FREM2: variants seen among roughly 807,000 people sequenced by gnomAD.
The protein encoded by FREM2 is FRAS1-related extracellular matrix protein 2.
In FREM2, 119 loss-of-function variants were observed where a neutral mutation model predicts 219.9. The ratio of observed to expected loss-of-function variants is 0.54; its 90% CI spans 0.47 to 0.63. The LOEUF is 0.63. Among genes scored for constraint, FREM2 ranks in the 30% least tolerant of loss-of-function variants. The pLI, the probability that FREM2 is intolerant of heterozygous loss-of-function variation, is 0.00. For missense variants in FREM2, 4,030 were observed against 3,993.6 expected, an observed-to-expected ratio of 1.01 and a Z score of -0.25; for synonymous variants, 1,562 against 1,522.8, an observed-to-expected ratio of 1.03 and a Z score of -0.60.
chr13:38,714,630 A>G (rs970239592), intron 2 of FREM2, among the ~76,000 whole-genome samples: 1 of 152,240 alleles, frequency 6.6e-6, no homozygotes, highest in African/African-American at 2.4e-5. Flanking sequence ...TATGTGAGGC[A>G]ATGCAAATGT....
chr13:38,794,874 T>C (rs1050784086), intron 6 of FREM2, among the ~76,000 whole-genome samples: 1 of 152,136 alleles, frequency 6.6e-6, no homozygotes, highest in Non-Finnish European at 1.5e-5. Flanking sequence ...CACTTTACTA[T>C]ATACTAAGGA....
At chr13:38,810,274 T>C (rs1448182591) in intron 6 of FREM2, among the ~76,000 whole-genome samples, 1 of 151,974 alleles carries the variant, frequency 6.6e-6, no homozygotes, top group African/African-American at 2.4e-5. Flanking sequence ...AAAAGGAAAA[T>C]TTGATTTCTT....
At chr13:38,741,094 G>A (rs1307828182) in intron 2 of FREM2, among the ~76,000 whole-genome samples, 33 of 152,108 alleles carry the variant, frequency 2.2e-4, no homozygotes, top group Admixed American at 2.2e-3. Flanking sequence ...TTACAATGTA[G>A]GAAACTAAGG....
At chr13:38,709,233 A>G (rs1254859685) in intron 2 of FREM2, among the ~76,000 whole-genome samples, 3 of 152,112 alleles carry the variant, frequency 2.0e-5, no homozygotes, top group African/African-American at 7.2e-5. Context: ...TCTGCATGAG[A>G]TTCAGTAGAG....
intron 4 of FREM2, among the ~76,000 whole-genome samples, chr13:38,777,644 A>G (rs1260099759): frequency 2.0e-5 from 3 of 152,244 alleles, no homozygotes; most frequent in Non-Finnish European, 4.4e-5. Flanking sequence ...AGAATTTTTA[A>G]GGGTAGTCTA....
chr13:38,755,346 C>G (rs1307427106), intron 2 of FREM2, among the ~76,000 whole-genome samples: 1 of 152,106 alleles, frequency 6.6e-6, no homozygotes, highest in Admixed American at 6.5e-5. Flanking sequence ...TCCCTGTGGC[C>G]CCAGGAACCC....
Position 38,807,189 on chromosome 13 carries a change from TTATATA to T in FREM2, c.6019+22415_6019+22420del, listed in dbSNP as rs59551341. On this transcript the variant is annotated intron_variant, in intron 6 of 23. Coordinates refer to ENST00000280481, the MANE Select transcript of FREM2 (RefSeq NM_207361.6). The stretch of plus-strand genomic sequence containing the variant: ...CCTTTTTGCAGAGATCTTGTCTCTG[TTATATA>T]TATATATATATATATATATATATAT... Among the ~76,000 whole-genome samples the T allele has an allele frequency of 5.5e-3, 249 of 45,382 alleles. 7 individuals carry two copies. The highest frequency in any genetic ancestry group is 0.029 in the South Asian group (25 of 862). The allele number at this position is 45,382 out of a possible 152,430, so 29.8% of individuals were successfully genotyped here.
chr13:38,734,827 A>G (rs1042871380), intron 2 of FREM2, among the ~76,000 whole-genome samples: 2 of 145,280 alleles, frequency 1.4e-5, no homozygotes, highest in African/African-American at 5.1e-5. Flanking sequence ...GCTCACTGCA[A>G]CCTCTACCTC....
chr13:38,840,626 AT>A, intron 6 of FREM2, among the ~76,000 whole-genome samples: 1 of 29,872 alleles, frequency 3.3e-5, no homozygotes, highest in Admixed American at 2.9e-4. Flanking sequence ...TAAAACTAAA[AT>A]ATATATATAT....
rs978240878 is a variant in FREM2, at chr13:38,840,274, A to G, written c.6020-6299A>G. Among the ~76,000 whole-genome samples, 12 of 151,804 alleles carry G rather than the reference A, an allele frequency of 7.9e-5. No individual in the cohort carries two copies. The East Asian group carries it at 2.0e-3, about 25-fold the overall frequency. ...CCCACCCTGCTTCTGCTTGCTCTCC[A>G]TGGGCTGCATCCACTGTCTGACCAG... On this transcript the variant is annotated intron_variant, in intron 6 of 23. Coordinates refer to ENST00000280481, the MANE Select transcript of FREM2 (RefSeq NM_207361.6).
chr13:38,732,600 G>C (rs1045336231), intron 2 of FREM2, among the ~76,000 whole-genome samples: 3 of 152,190 alleles, frequency 2.0e-5, no homozygotes, highest in African/African-American at 7.2e-5. Flanking sequence ...TGACAAATCA[G>C]ACACAACTGG....
rs750753998 is a variant in FREM2, at chr13:38,861,546, A to G, written c.7635A>G (p.Thr2545=). 4 of 1,613,918 alleles carry G rather than the reference A, an allele frequency of 2.5e-6. No individual in the cohort carries two copies. Among genetic ancestry groups the G allele is most frequent in the East Asian group, 2.2e-5 (1 of 44,882 alleles). ...CAAACCTTATCAAGCTCACTGTCAC[A>G]ATGCCACACATAGATGGTAGGTGAC... is the stretch of plus-strand genomic sequence containing the variant. The part of the protein sequence containing the change: ...DYTNLIKLTV[T]MPHIDGMLPV... Residue 2545 remains threonine (T), a synonymous_variant, in exon 15 of 24, where the codon ACA becomes ACG. Transcript: ENST00000280481.
intron 2 of FREM2, among the ~76,000 whole-genome samples, chr13:38,729,784 C>T (rs984642976): frequency 1.3e-5 from 2 of 152,080 alleles, no homozygotes; most frequent in Admixed American, 1.3e-4. Flanking sequence ...TTCTAAGGTG[C>T]ATAATTAGAG....
chr13:38,768,065 T>G (rs985255490), intron 3 of FREM2, among the ~76,000 whole-genome samples: 2 of 152,200 alleles, frequency 1.3e-5, no homozygotes, highest in Non-Finnish European at 2.9e-5. Context: ...CCCCAGCACA[T>G]GGAATAGAGC....
chr13:38,778,600 T>C (rs9594292), intron 4 of FREM2, among the ~76,000 whole-genome samples: 6,430 of 152,012 alleles, frequency 0.042, 452 homozygotes, highest in African/African-American at 0.14. Flanking sequence ...AGGATGAGAA[T>C]AGATGGACAC....
At chr13:38,742,037 C>T (rs1279935808) in intron 2 of FREM2, among the ~76,000 whole-genome samples, 1 of 152,102 alleles carries the variant, frequency 6.6e-6, no homozygotes, top group Non-Finnish European at 1.5e-5. Context: ...TAAAATAAGG[C>T]AAAGTAGCAT....
chr13:38,856,695 A>T (rs1877572402), intron 12 of FREM2, among the ~76,000 whole-genome samples: 1 of 140,342 alleles, frequency 7.1e-6, no homozygotes, highest in Admixed American at 6.8e-5. Context: ...TCCTGGCTTT[A>T]TCAGAATTTG....
chr13:38,720,511 A>G (rs548086730), intron 2 of FREM2, among the ~76,000 whole-genome samples: 5 of 152,312 alleles, frequency 3.3e-5, no homozygotes, highest in South Asian at 2.1e-4. Flanking sequence ...AATTCAGACC[A>G]GGGTGATCTT....
chr13:38,874,629 G>A (rs1310272453), intron 18 of FREM2, 43 bp downstream of exon 18: 1 of 1,493,888 alleles, frequency 6.7e-7, no homozygotes, highest in Non-Finnish European at 9.3e-7. Flanking sequence ...CACACAAAAA[G>A]GAGGTAGATT....
Sources: gnomAD v4.1 joint callset for allele counts (sites outside exome capture counted in the v4.1 genomes callset) on GRCh38, gnomAD v4.1.1 for gene constraint, MANE v1.5 for transcripts, NCBI Gene and HGNC (gene_info 2026-07-23, HGNC 2026-07-21) for gene names.